CA10: variants seen among roughly 807,000 people sequenced by gnomAD.
CA10 encodes the protein carbonic anhydrase-related protein 10.
CA10 carries 14 observed loss-of-function variants against 44.2 expected under a neutral mutation model. The observed-to-expected ratio is 0.32, with a 90% CI of 0.21 to 0.50. CA10 has a LOEUF of 0.50. Ranked by LOEUF, CA10 falls within the 20% of genes least tolerant of loss-of-function variation. The pLI, the probability that CA10 is intolerant of heterozygous loss-of-function variation, is 0.99. For missense variants in CA10, 350 were observed against 409.7 expected (o/e 0.85, Z 1.26); for synonymous variants, 159 against 141.6 (o/e 1.12, Z -0.87).
intron 3 of CA10, among the ~76,000 whole-genome samples, chr17:51,787,161 T>C (rs1906321311): frequency 6.6e-6 from 1 of 152,352 alleles, no homozygotes; most frequent in East Asian, 1.9e-4. Flanking sequence ...TTGTCTGGTT[T>C]TGGTATCAGG....
At chr17:52,109,231 A>G (rs778366905) in intron 1 of CA10, among the ~76,000 whole-genome samples, 7 of 152,110 alleles carry the variant, frequency 4.6e-5, no homozygotes, top group Non-Finnish European at 8.8e-5. Flanking sequence ...TAATAGTACT[A>G]TTTTCTGATA....
chr17:51,977,980 G>A (rs908222545), intron 2 of CA10, among the ~76,000 whole-genome samples: 5 of 152,094 alleles, frequency 3.3e-5, no homozygotes, highest in African/African-American at 9.7e-5. Flanking sequence ...GTGCAAGAAT[G>A]CTCTGCTGAC....
chr17:51,877,672 G>C (rs1421270264), intron 3 of CA10, among the ~76,000 whole-genome samples: 2 of 152,172 alleles, frequency 1.3e-5, no homozygotes, highest in Non-Finnish European at 2.9e-5. Context: ...CAAGGGGGTA[G>C]CATCACTGTA....
chr17:52,071,482 T>C (rs765834698), intron 2 of CA10, among the ~76,000 whole-genome samples: 7 of 152,132 alleles, frequency 4.6e-5, no homozygotes, highest in Non-Finnish European at 1.0e-4. Flanking sequence ...CAAGAATGAA[T>C]GAGGTGACCT....
intron 2 of CA10, among the ~76,000 whole-genome samples, chr17:52,016,877 C>T (rs890959313): frequency 2.0e-5 from 3 of 152,194 alleles, no homozygotes; most frequent in Non-Finnish European, 2.9e-5. Context: ...TGTGCCACTG[C>T]CCTCCAGCCT....
At chr17:52,055,236 A>C (rs1235222752) in intron 2 of CA10, among the ~76,000 whole-genome samples, 1 of 151,962 alleles carries the variant, frequency 6.6e-6, no homozygotes, top group Non-Finnish European at 1.5e-5. Context: ...TAATTTTGAC[A>C]CTAGAATTTT....
chr17:51,901,545 A>G (rs1981316836), intron 3 of CA10, among the ~76,000 whole-genome samples: 2 of 152,248 alleles, frequency 1.3e-5, no homozygotes, highest in Non-Finnish European at 1.5e-5. Context: ...GAAAGGTACC[A>G]GTGGGAGTAG....
chr17:52,064,562 G>A (rs1367128209), intron 2 of CA10, among the ~76,000 whole-genome samples: 1 of 30,610 alleles, frequency 3.3e-5, no homozygotes, highest in Non-Finnish European at 6.4e-5. Context: ...TGTTAATCAT[G>A]AGACTTTTTT....
intron 1 of CA10, among the ~76,000 whole-genome samples, chr17:52,139,096 T>C (rs1013320434): frequency 3.3e-5 from 5 of 152,170 alleles, no homozygotes; most frequent in Admixed American, 1.3e-4. Flanking sequence ...TAATACCCGG[T>C]GTAGGGGGAG....
intron 3 of CA10, among the ~76,000 whole-genome samples, chr17:51,914,728 GTA>G (rs940143827): frequency 6.6e-6 from 1 of 152,138 alleles, no homozygotes; most frequent in Non-Finnish European, 1.5e-5. Flanking sequence ...TAGATGGAAT[GTA>G]TTTCTCCCCT....
chr17:51,964,532 A>G (rs1984008768), intron 2 of CA10, among the ~76,000 whole-genome samples: 1 of 152,018 alleles, frequency 6.6e-6, no homozygotes, highest in Admixed American at 6.6e-5. Context: ...AATAATTTAA[A>G]AAAAAATTGA....
intron 2 of CA10, among the ~76,000 whole-genome samples, chr17:51,931,514 A>G (rs1461682464): frequency 6.6e-6 from 1 of 152,172 alleles, no homozygotes; most frequent in African/African-American, 2.4e-5. Flanking sequence ...CCTATCTGGC[A>G]AGAACGATGT....
At chr17:51,771,120 C>A (rs1283887168) in intron 3 of CA10, among the ~76,000 whole-genome samples, 1 of 53,954 alleles carries the variant, frequency 1.9e-5, no homozygotes. Context: ...AAGACTCCGT[C>A]TCAAAAAAAA....
At chr17:51,853,384 C>A (rs973920041) in intron 3 of CA10, among the ~76,000 whole-genome samples, 1 of 152,182 alleles carries the variant, frequency 6.6e-6, no homozygotes, top group African/African-American at 2.4e-5. Context: ...TCTGCTGTCC[C>A]TGTGCTGGTC....
chr17:51,884,372 ACTC>A (rs1468445761), intron 3 of CA10, among the ~76,000 whole-genome samples: 1 of 151,408 alleles, frequency 6.6e-6, no homozygotes, highest in Non-Finnish European at 1.5e-5. Context: ...ATTGCCCTCT[ACTC>A]CTCCACTCTC....
At chr17:51,831,839 C>T (rs1440045280) in intron 3 of CA10, among the ~76,000 whole-genome samples, 9 of 152,042 alleles carry the variant, frequency 5.9e-5, no homozygotes, top group Non-Finnish European at 2.9e-5. Context: ...TCATGGTTAG[C>T]TTAGACCAAC....
At chr17:51,837,871 A>G (rs953621280) in intron 3 of CA10, among the ~76,000 whole-genome samples, 5 of 152,240 alleles carry the variant, frequency 3.3e-5, no homozygotes, top group African/African-American at 1.2e-4. Flanking sequence ...AAAATGCAAT[A>G]TAACATCTGC....
At chr17:51,843,704 CT>C (rs928794012) in intron 3 of CA10, among the ~76,000 whole-genome samples, 70 of 152,132 alleles carry the variant, frequency 4.6e-4, no homozygotes, top group African/African-American at 1.6e-3. Context: ...AATATTATTA[CT>C]TTTTTTGGTA....
intron 4 of CA10, among the ~76,000 whole-genome samples, chr17:51,721,157 C>T (rs1916337037): frequency 6.6e-6 from 1 of 151,942 alleles, no homozygotes; most frequent in South Asian, 2.1e-4. Flanking sequence ...TGGCGAAACC[C>T]CGTCTCTACT....
Sources: gnomAD v4.1 joint callset for allele counts (sites outside exome capture counted in the v4.1 genomes callset) on GRCh38, gnomAD v4.1.1 for gene constraint, MANE v1.5 for transcripts, NCBI Gene and HGNC (gene_info 2026-07-23, HGNC 2026-07-21) for gene names.